Variants in CENPV observed in about 807,000 individuals in gnomAD.
CENPV encodes the protein centromere protein V, also known as nuclear protein p30.
CENPV carries 15 observed loss-of-function variants against 26.4 expected under a neutral mutation model. The ratio of observed to expected loss-of-function variants is 0.57; its 90% CI spans 0.38 to 0.88. The LOEUF (loss-of-function observed/expected upper bound fraction) is 0.88. Among genes scored for constraint, CENPV ranks in the 40% least tolerant of loss-of-function variants. The pLI, the probability that CENPV is intolerant of heterozygous loss-of-function variation, is 0.00. For synonymous variants in CENPV, 172 were observed against 165.5 expected (o/e 1.04, Z -0.30); for missense variants, 336 against 376.5 (o/e 0.89, Z 0.89).
intron 3 of CENPV, among the ~76,000 whole-genome samples, chr17:16,345,135 G>A (rs148714200): frequency 1.8e-3 from 266 of 151,758 alleles, no homozygotes; most frequent in African/African-American, 6.1e-3. Context: ...GGTGGCAGGC[G>A]CCTGTAGTCC....
At chr17:16,344,501 T>C (rs1488241625) in intron 4 of CENPV, 96 bp downstream of exon 4, 7 of 582,526 alleles carry the variant, frequency 1.2e-5, no homozygotes, top group Non-Finnish European at 1.5e-5. Context: ...TGACAGGGTC[T>C]AGTCAGCATC....
chr17:16,352,762 C>G (rs996653682), intron 1 of CENPV, among the ~76,000 whole-genome samples: 1 of 152,134 alleles, frequency 6.6e-6, no homozygotes, highest in African/African-American at 2.4e-5. Context: ...CTTTGTGTCC[C>G]AAGACGGCTG....
At chr17:16,348,757 A>G in intron 2 of CENPV, 72 bp from the exon 3 acceptor site, 1 of 1,602,088 alleles carries the variant, frequency 6.2e-7, no homozygotes, top group Non-Finnish European at 8.5e-7. Context: ...CGGCCCAGCC[A>G]TGAGAGCCAG....
chr17:16,346,540 C>T (rs996835847), intron 3 of CENPV, among the ~76,000 whole-genome samples: 2 of 152,126 alleles, frequency 1.3e-5, no homozygotes, highest in African/African-American at 4.8e-5. Context: ...CACTTGAGGT[C>T]AGGAGTTCAA....
At chr17:16,350,148 T>C in intron 1 of CENPV, 119 bp from the exon 2 acceptor site, 2 of 1,236,592 alleles carry the variant, frequency 1.6e-6, no homozygotes, top group Non-Finnish European at 2.2e-6. Context: ...GACAACCAGA[T>C]GCATTTCTGC....
In CENPV at chr17:16,353,087, G is replaced by A; in HGVS notation, c.350C>T (p.Thr117Met). 1.3e-6 allele frequency: 2 copies of A among 1,573,314 alleles called. No individual in the cohort carries two copies. The highest frequency in any genetic ancestry group is 1.1e-5 in the South Asian group (1 of 88,552). The change falls in exon 1 of 5, where the codon ACG becomes ATG. Residue 117 changes from threonine (T) to methionine (M), a missense_variant. By Grantham distance (81) the Thr-to-Met change is moderately conservative (BLOSUM62 -1). Around this residue, in one of 2 missense-constraint regions of CENPV, gnomAD observed 155 missense variants for 227.8 expected, o/e 0.68. Coordinates refer to ENST00000299736, the MANE Select transcript of CENPV (RefSeq NM_181716.3). ...DLGEQRERWE[T>M]FQKRQKLTSE... ...GGTAAGCTTCTGCCGCTTCTGGAACGTCTCCCAGCGCTCCCGCTGCTCGCC... is the reference window on the plus strand; with the variant it reads ...GGTAAGCTTCTGCCGCTTCTGGAACATCTCCCAGCGCTCCCGCTGCTCGCC...
At chr17:16,345,125 G>C (rs553145192) in intron 3 of CENPV, among the ~76,000 whole-genome samples, 1 of 151,942 alleles carries the variant, frequency 6.6e-6, no homozygotes, top group Non-Finnish European at 1.5e-5. Flanking sequence ...AGCCGGGTGT[G>C]GTGGCAGGCG....
chr17:16,349,053 A>C, intron 2 of CENPV: 1 of 996,282 alleles, frequency 1.0e-6, no homozygotes, highest in Non-Finnish European at 1.2e-6. Context: ...CACACCAAAA[A>C]TGGACAAGGA....
chr17:16,348,350 T>G, intron 3 of CENPV: 1 of 593,260 alleles, frequency 1.7e-6, no homozygotes, highest in Non-Finnish European at 2.4e-6. Flanking sequence ...AGAGATAGGG[T>G]TTCACCATGT....
At chr17:16,349,543 A>G in intron 2 of CENPV, 1 of 998,566 alleles carries the variant, frequency 1.0e-6, no homozygotes, top group Non-Finnish European at 1.2e-6. Context: ...TACACCCTTT[A>G]CTAACATACC....
In CENPV at chr17:16,353,077, C is replaced by T; in HGVS notation, c.360G>A (p.Lys120=). 6.3e-7 allele frequency: 1 copy of T among 1,577,780 alleles called. No homozygotes were observed. The highest frequency in any genetic ancestry group is 1.1e-5 in the South Asian group (1 of 89,082). ...EQRERWETFQ[K]RQKLTSEGAA... ...CACCCTCGGAGGTAAGCTTCTGCCG[C>T]TTCTGGAACGTCTCCCAGCGCTCCC... The change falls in exon 1 of 5, where the codon AAG becomes AAA. Residue 120 remains lysine, a synonymous_variant. Coordinates refer to ENST00000299736, the MANE Select transcript of CENPV (RefSeq NM_181716.3).
chr17:16,353,370 C>T lies in CENPV; in HGVS notation c.67G>A (p.Ala23Thr). ...GCAGCGGCCGCGGAGGCCGCGGGGG[C>T]CGCGGAGGCCCCGGACCGCTTCTGC... ...RGQKRSGASAAPAASAAAALA... is the reference protein window; with the variant it reads ...RGQKRSGASATPAASAAAALA... The change falls in exon 1 of 5, where the codon GCC becomes ACC. Residue 23 changes from alanine to threonine, a missense_variant. Coordinates refer to ENST00000299736, the MANE Select transcript of CENPV (RefSeq NM_181716.3). 3 of 1,234,744 alleles carry T rather than the reference C, an allele frequency of 2.4e-6. No homozygotes were observed. The highest frequency in any genetic ancestry group is 3.4e-5 in the African/African-American group (2 of 59,326). The allele number at this position is 1,234,744 out of a possible 1,614,324, so 76.5% of individuals were successfully genotyped here. A position where few individuals can be genotyped will look rare whatever the true frequency, so the allele number is the denominator to read the frequency against.
At chr17:16,348,976 C>T in intron 2 of CENPV, 7 of 1,100,722 alleles carry the variant, frequency 6.4e-6, no homozygotes, top group Non-Finnish European at 7.8e-6. Flanking sequence ...AAGAGAAGCG[C>T]TGGACTTCAG....
At chr17:16,346,822 T>C (rs2093208758) in intron 3 of CENPV, among the ~76,000 whole-genome samples, 2 of 151,582 alleles carry the variant, frequency 1.3e-5, no homozygotes, top group African/African-American at 4.9e-5. Context: ...TTTAAGGCTA[T>C]ATACTGGTAT....
Position 16,344,721 on chromosome 17 carries a change from AACAG to A in CENPV, c.580-14_580-11del, listed in dbSNP as rs2093197833. On this transcript the variant is annotated splice_polypyrimidine_tract_variant and intron_variant, in intron 3 of 4. Coordinates refer to ENST00000299736, the MANE Select transcript of CENPV (RefSeq NM_181716.3). ...TTATGTGCTCAGCTCCCTAGGTGAA[AACAG>A]ACAAACGGTATTCTTTTTTACAAAG... 6.9e-7 allele frequency: 1 copy of A among 1,449,254 alleles called. No individual in the cohort carries two copies. Among genetic ancestry groups the A allele is most frequent in the Non-Finnish European group, 9.5e-7 (1 of 1,057,384 alleles). The allele number at this position is 1,449,254 out of a possible 1,614,324, so 89.8% of individuals were successfully genotyped here. A position where few individuals can be genotyped will look rare whatever the true frequency, so the allele number is the denominator to read the frequency against.
chr17:16,344,173 A>G (rs996388368), intron 4 of CENPV: 5 of 152,802 alleles, frequency 3.3e-5, no homozygotes, highest in African/African-American at 1.2e-4. Flanking sequence ...TGAACAACCA[A>G]AAAGCTTTCA....
chr17:16,348,576 A>G, intron 3 of CENPV, 40 bp downstream of exon 3: 1 of 1,612,300 alleles, frequency 6.2e-7, no homozygotes, highest in South Asian at 1.1e-5. Flanking sequence ...AATCTCACCA[A>G]TGGGTTCTGC....
intron 1 of CENPV, among the ~76,000 whole-genome samples, chr17:16,352,607 C>A (rs1275917074): frequency 6.6e-6 from 1 of 152,108 alleles, no homozygotes; most frequent in African/African-American, 2.4e-5. Context: ...CTCAAAAACA[C>A]GTGTGCAAAC....
chr17:16,350,145 A>G, intron 1 of CENPV, 116 bp from the exon 2 acceptor site: 1 of 1,276,132 alleles, frequency 7.8e-7, no homozygotes, highest in Non-Finnish European at 1.1e-6. Flanking sequence ...CATGACAACC[A>G]GATGCATTTC....
Sources: gnomAD v4.1 joint callset for allele counts (sites outside exome capture counted in the v4.1 genomes callset) on GRCh38, gnomAD v4.1.1 for gene constraint, gnomAD v4.1.1 regional missense constraint, MANE v1.5 for transcripts, NCBI Gene and HGNC (gene_info 2026-07-23, HGNC 2026-07-21) for gene names.